Variants in ZNF782 observed in about 807,000 individuals in gnomAD.
ZNF782 encodes zinc finger protein 782.
ZNF782 carries 12 observed loss-of-function variants against 13.0 expected under a neutral mutation model. That is an observed-to-expected ratio of 0.92 (90% confidence interval 0.59 to 1.50). ZNF782 has a LOEUF of 1.50. Among genes scored for constraint, ZNF782 ranks in the 40% most tolerant of loss-of-function variants. The pLI, the probability that ZNF782 is intolerant of heterozygous loss-of-function variation, is 0.00. For missense variants in ZNF782, 770 were observed against 822.9 expected (o/e 0.94, Z 0.79); for synonymous variants, 284 against 283.0 (o/e 1.00, Z -0.04).
intron 3 of ZNF782, among the ~76,000 whole-genome samples, chr9:96,846,305 A>T (rs1368562849): frequency 1.3e-5 from 2 of 152,228 alleles, no homozygotes; most frequent in African/African-American, 4.8e-5. Flanking sequence ...CAAACTAGGT[A>T]GCAATGTGAT....
the ZNF782 span, among the ~76,000 whole-genome samples, chr9:96,886,836 T>G: frequency 6.7e-6 from 1 of 148,944 alleles, no homozygotes; most frequent in South Asian, 2.1e-4. Flanking sequence ...GGCAGGAGAA[T>G]CGCTTGAACC....
the ZNF782 span, among the ~76,000 whole-genome samples, chr9:96,912,392 G>C: frequency 6.7e-6 from 1 of 148,968 alleles, no homozygotes; most frequent in Admixed American, 6.7e-5. Flanking sequence ...TGGGCGTAGT[G>C]GCGGGCGCCT....
the ZNF782 span, among the ~76,000 whole-genome samples, chr9:96,912,298 G>A: frequency 8.5e-3 from 1,246 of 146,936 alleles, 20 homozygotes; most frequent in African/African-American, 0.028. Flanking sequence ...AGGCTAAGGC[G>A]GGCAGATCAT....
At chr9:96,877,610 TCTGGGGGCCCCGTGGG>T (rs1172809657), upstream of ZNF782, among the ~76,000 whole-genome samples, 1 of 152,160 alleles carries the variant, frequency 6.6e-6, no homozygotes, top group East Asian at 1.9e-4. Context: ...CTCCGCGAGA[TCTGGGGGCCCCGTGGG>T]CTGGGGTTCG....
chr9:96,928,011 G>A, the ZNF782 span, among the ~76,000 whole-genome samples: 27 of 146,344 alleles, frequency 1.8e-4, no homozygotes, highest in Non-Finnish European at 3.5e-4. Flanking sequence ...GCTTCATTAT[G>A]CTTTTGATTG....
At chr9:96,912,198 G>GAAA in the ZNF782 span, among the ~76,000 whole-genome samples, 14 of 56,730 alleles carry the variant, frequency 2.5e-4, no homozygotes, top group African/African-American at 5.1e-4. Context: ...ACTCCGTCTC[G>GAAA]AAAAAAAAAA....
rs564914567 is a variant in ZNF782, at chr9:96,867,939, C to T, written c.-456-6336G>A. Among the ~76,000 whole-genome samples, 175 of 152,272 alleles carry T rather than the reference C, an allele frequency of 1.1e-3. 1 individual carries two copies. The highest frequency in any genetic ancestry group is 2.2e-3 in the Non-Finnish European group (149 of 68,034). On this transcript the variant is annotated intron_variant, in intron 1 of 5. Transcript: ENST00000498811. Reference sequence around the variant, plus strand: ...AGAATTTAGAGCCATTCTAGTAGCTCACTGTGATATTTTTAAATAAATGGA... The same window carrying T: ...AGAATTTAGAGCCATTCTAGTAGCTTACTGTGATATTTTTAAATAAATGGA...
At chr9:96,912,676 A>G in the ZNF782 span, among the ~76,000 whole-genome samples, 1 of 151,444 alleles carries the variant, frequency 6.6e-6, no homozygotes, top group Non-Finnish European at 1.5e-5. Flanking sequence ...TTACAGGCGT[A>G]TGCCATCACG....
intron 4 of ZNF782, among the ~76,000 whole-genome samples, chr9:96,842,524 A>C (rs1851218648): frequency 6.6e-6 from 1 of 152,082 alleles, no homozygotes; most frequent in East Asian, 1.9e-4. Flanking sequence ...AGGCAAAAAC[A>C]AACAAAAAAA....
intron 4 of ZNF782, among the ~76,000 whole-genome samples, chr9:96,837,196 T>A (rs1257815143): frequency 1.3e-5 from 2 of 152,200 alleles, no homozygotes; most frequent in African/African-American, 2.4e-5. Flanking sequence ...TCCCAAGGAA[T>A]CTTGGTTCCT....
At chr9:96,822,409 T>C (rs1002309829) in intron 5 of ZNF782, among the ~76,000 whole-genome samples, 4 of 152,238 alleles carry the variant, frequency 2.6e-5, no homozygotes, top group African/African-American at 7.2e-5. Context: ...TCTGGCACAG[T>C]GTTTCATTTT....
chr9:96,913,780 T>C, the ZNF782 span, among the ~76,000 whole-genome samples: 1 of 151,788 alleles, frequency 6.6e-6, no homozygotes, highest in East Asian at 1.9e-4. Context: ...CCACCTCAGC[T>C]TCCCAAAGTG....
In ZNF782 at chr9:96,819,785, A is replaced by G; in HGVS notation, c.245-7T>C. 2.6e-6 allele frequency: 4 copies of G among 1,549,600 alleles called. No individual in the cohort carries two copies. The highest frequency in any genetic ancestry group is 3.5e-6 in the Non-Finnish European group (4 of 1,155,596). On this transcript the variant is annotated splice_region_variant and splice_polypyrimidine_tract_variant and intron_variant, in intron 5 of 5. Coordinates refer to ENST00000481138, the MANE Select transcript of ZNF782 (RefSeq NM_001001662.3). ...TCATCAGGTTGGGAGTCTTCTAAAA[A>G]TGATAAAATTAAACAAACTTTATGA...
the ZNF782 span, among the ~76,000 whole-genome samples, chr9:96,899,282 T>G: frequency 1.1e-4 from 17 of 151,948 alleles, no homozygotes; most frequent in African/African-American, 3.4e-4. Flanking sequence ...CTTGTAGGTA[T>G]GATGTGGTAC....
chr9:96,858,174 A>T (rs962376263), upstream of ZNF782, among the ~76,000 whole-genome samples: 9 of 152,264 alleles, frequency 5.9e-5, no homozygotes, highest in East Asian at 1.4e-3. This position sits in a 1 kb window ranked among gnomAD's most constrained non-coding sequence, Gnocchi z 4.4. Flanking sequence ...CGCTGCCTTT[A>T]TCTGAAGATC....
chr9:96,875,585 C>T (rs1419837971), exon 1 of ZNF782: 3 of 456,738 alleles, frequency 6.6e-6, no homozygotes, highest in South Asian at 4.6e-5. Context: ...GGGCTCTCCT[C>T]TGCCGCCGCG....
At chr9:96,913,360 T>C in the ZNF782 span, among the ~76,000 whole-genome samples, 1 of 151,880 alleles carries the variant, frequency 6.6e-6, no homozygotes. Flanking sequence ...AGTTCAGACC[T>C]TCCCCTAACA....
chr9:96,911,342 G>A, the ZNF782 span, among the ~76,000 whole-genome samples: 1 of 141,908 alleles, frequency 7.0e-6, no homozygotes, highest in African/African-American at 2.6e-5. Context: ...GGCAGGCTGA[G>A]GCAGGAGAAT....
chr9:96,837,621 A>T (rs1198117613), intron 4 of ZNF782, among the ~76,000 whole-genome samples: 1 of 152,076 alleles, frequency 6.6e-6, no homozygotes, highest in East Asian at 1.9e-4. Flanking sequence ...AAGTTAGGTT[A>T]TTATTTGAGA....
Sources: gnomAD v4.1 joint callset for allele counts (sites outside exome capture counted in the v4.1 genomes callset) on GRCh38, gnomAD v4.1.1 for gene constraint, Gnocchi (gnomAD v3.1) non-coding constraint, MANE v1.5 for transcripts, NCBI Gene and HGNC (gene_info 2026-07-23, HGNC 2026-07-21) for gene names.